Variants in SMYD3 observed in about 807,000 individuals in gnomAD.
SMYD3 encodes histone-lysine N-methyltransferase SMYD3.
SMYD3 carries 36 observed loss-of-function variants against 57.7 expected under a neutral mutation model. That is an observed-to-expected ratio of 0.62 (90% CI 0.48 to 0.82). The LOEUF is 0.82. Ranked by LOEUF, SMYD3 falls within the 40% of genes least tolerant of loss-of-function variation. The pLI, the probability that SMYD3 is intolerant of heterozygous loss-of-function variation, is 0.00. For missense variants in SMYD3, 515 were observed against 538.8 expected, an observed-to-expected ratio of 0.96 and a Z score of 0.44; for synonymous variants, 211 against 195.0, an observed-to-expected ratio of 1.08 and a Z score of -0.68.
intron 5 of SMYD3, among the ~76,000 whole-genome samples, chr1:246,034,067 A>G (rs1008571991): frequency 6.6e-6 from 1 of 152,230 alleles, no homozygotes; most frequent in Non-Finnish European, 1.5e-5. Context: ...ATTATTACGT[A>G]TATGAAAAAT....
chr1:246,134,045 G>A (rs962000625), intron 5 of SMYD3, among the ~76,000 whole-genome samples: 6 of 152,180 alleles, frequency 3.9e-5, no homozygotes, highest in South Asian at 2.1e-4. Context: ...AAGACAGCCC[G>A]GGGAAATGAC....
intron 5 of SMYD3, among the ~76,000 whole-genome samples, chr1:246,026,920 A>G (rs2059584481): frequency 6.6e-6 from 1 of 152,260 alleles, no homozygotes; most frequent in Admixed American, 6.5e-5. Context: ...GTGTTGCACA[A>G]AACAGTTAGC....
intron 1 of SMYD3, among the ~76,000 whole-genome samples, chr1:246,445,855 G>GA (rs541828569): frequency 0.048 from 6,019 of 124,264 alleles, 176 homozygotes; most frequent in African/African-American, 0.094. Flanking sequence ...ATCCAAAAAG[G>GA]AAAAAAAAAA....
chr1:246,502,998 GTTGGC>G (rs1458188796), intron 1 of SMYD3, among the ~76,000 whole-genome samples: 9 of 152,130 alleles, frequency 5.9e-5, no homozygotes, highest in Admixed American at 5.9e-4. Context: ...ATAGGCCCGT[GTTGGC>G]CTATCACTAA....
chr1:245,867,703 T>C (rs922503271), intron 8 of SMYD3, among the ~76,000 whole-genome samples: 1 of 150,914 alleles, frequency 6.6e-6, no homozygotes, highest in African/African-American at 2.4e-5. Context: ...CACACACATT[T>C]TGTTGGGAGA....
intron 1 of SMYD3, among the ~76,000 whole-genome samples, chr1:246,413,196 G>A (rs374247281): frequency 1.6e-4 from 24 of 152,238 alleles, no homozygotes; most frequent in East Asian, 7.7e-4. Flanking sequence ...ACCCTATGAC[G>A]TAGGTACCAA....
chr1:246,222,180 C>A (rs10924568), intron 5 of SMYD3, among the ~76,000 whole-genome samples: 63,677 of 151,814 alleles, frequency 0.42, 15,032 homozygotes, highest in East Asian at 0.79. Flanking sequence ...GTATAAAGTG[C>A]CAGTGAATTA....
intron 5 of SMYD3, among the ~76,000 whole-genome samples, chr1:246,268,718 G>T (rs1051582815): frequency 5.3e-4 from 80 of 151,972 alleles, no homozygotes; most frequent in African/African-American, 1.9e-3. Flanking sequence ...AGAAAGAAAA[G>T]AGAAGAGGAA....
At chr1:246,459,231 CCT>C (rs369356767) in intron 1 of SMYD3, among the ~76,000 whole-genome samples, 43 of 151,650 alleles carry the variant, frequency 2.8e-4, no homozygotes, top group Admixed American at 1.1e-3. Context: ...GACACGTCCC[CCT>C]TCACTCTCTC....
At chr1:245,901,549 T>A (rs2054182530) in intron 8 of SMYD3, among the ~76,000 whole-genome samples, 1 of 152,304 alleles carries the variant, frequency 6.6e-6, no homozygotes, top group South Asian at 2.1e-4. Context: ...CTCAATCTAA[T>A]AATGTGCTGC....
intron 10 of SMYD3, among the ~76,000 whole-genome samples, chr1:245,837,419 C>A (rs1411791432): frequency 1.3e-5 from 2 of 151,850 alleles, no homozygotes; most frequent in African/African-American, 4.9e-5. Flanking sequence ...GGGGCTAGAG[C>A]AGTGGCTATT....
chr1:245,805,092 C>A (rs1479219559), intron 10 of SMYD3, among the ~76,000 whole-genome samples: 1 of 151,796 alleles, frequency 6.6e-6, no homozygotes, highest in East Asian at 1.9e-4. Context: ...GCAGTTAAAA[C>A]CCTGCACAGA....
At chr1:246,102,365 A>T (rs1352115172) in intron 5 of SMYD3, among the ~76,000 whole-genome samples, 2 of 152,002 alleles carry the variant, frequency 1.3e-5, no homozygotes, top group African/African-American at 4.8e-5. Flanking sequence ...TCTTCTCTAC[A>T]TCTCAGATCC....
At chr1:245,957,733 T>G (rs1277342308) in intron 5 of SMYD3, among the ~76,000 whole-genome samples, 1 of 152,214 alleles carries the variant, frequency 6.6e-6, no homozygotes, top group Non-Finnish European at 1.5e-5. Flanking sequence ...CCCTGACCTT[T>G]TGTCTACTTT....
chr1:246,052,731 T>C (rs2060084498), intron 5 of SMYD3: 1 of 152,250 alleles, frequency 6.6e-6, no homozygotes, highest in African/African-American at 2.4e-5. Flanking sequence ...AGATCTCCTT[T>C]GAATCCCAGT....
At chr1:245,834,953 CTT>C (rs1404675280) in intron 10 of SMYD3, among the ~76,000 whole-genome samples, 1 of 152,074 alleles carries the variant, frequency 6.6e-6, no homozygotes, top group Non-Finnish European at 1.5e-5. Flanking sequence ...GAACATGGGC[CTT>C]TTCCATTATA....
At chr1:246,466,796 C>T (rs150766577) in intron 1 of SMYD3, among the ~76,000 whole-genome samples, 142 of 152,084 alleles carry the variant, frequency 9.3e-4, no homozygotes, top group African/African-American at 3.4e-3. Context: ...TCCAGTGAGC[C>T]ATGATCATGC....
intron 11 of SMYD3, among the ~76,000 whole-genome samples, chr1:245,762,925 AC>A (rs1206188537): frequency 6.6e-6 from 1 of 151,936 alleles, no homozygotes. Context: ...TTCCTATGAT[AC>A]CCGCACGCCA....
At chr1:245,836,920 A>G (rs1345516011) in intron 10 of SMYD3, among the ~76,000 whole-genome samples, 1 of 152,202 alleles carries the variant, frequency 6.6e-6, no homozygotes, top group African/African-American at 2.4e-5. Context: ...AAACAGATGA[A>G]ACAGCCTATT....
Sources: allele counts gnomAD v4.1 joint callset (sites outside exome capture counted in the v4.1 genomes callset), GRCh38; gene constraint gnomAD v4.1.1; transcripts MANE v1.5; gene names NCBI Gene and HGNC (gene_info 2026-07-23, HGNC 2026-07-21).